RAI1: variants seen among roughly 807,000 people sequenced by gnomAD.
The protein encoded by RAI1 is retinoic acid induced 1, also known as retinoic acid-induced protein 1.
In RAI1, 9 loss-of-function variants were observed where a neutral mutation model predicts 123.8. The ratio of observed to expected loss-of-function variants is 0.07; its 90% CI spans 0.04 to 0.13. The LOEUF is 0.13. Among genes scored for constraint, RAI1 ranks in the 10% least tolerant of loss-of-function variants. The pLI is 1.00. For synonymous variants in RAI1, 1,231 were observed against 1,127.3 expected, an observed-to-expected ratio of 1.09 and a Z score of -1.84; for missense variants, 2,256 against 2,545.8, an observed-to-expected ratio of 0.89 and a Z score of 2.45.
chr17:17,732,369 C>A (rs913527149), intron 2 of RAI1, among the ~76,000 whole-genome samples: 28 of 152,186 alleles, frequency 1.8e-4, no homozygotes, highest in African/African-American at 6.0e-4. Flanking sequence ...GAAGACCCCT[C>A]AGGACATTCC....
At chr17:17,787,846 C>A (rs1281073778) in intron 2 of RAI1, among the ~76,000 whole-genome samples, 1 of 152,204 alleles carries the variant, frequency 6.6e-6, no homozygotes, top group Non-Finnish European at 1.5e-5. Flanking sequence ...TGCAGGGATC[C>A]CATTCAGCTG....
intron 2 of RAI1, among the ~76,000 whole-genome samples, chr17:17,741,008 A>G (rs929089793): frequency 6.6e-6 from 1 of 151,854 alleles, no homozygotes; most frequent in African/African-American, 2.4e-5. Flanking sequence ...GGGCACACAT[A>G]CCTGAGCCGA....
chr17:17,802,252 ATC>A (rs1042374493), intron 3 of RAI1: 2 of 453,444 alleles, frequency 4.4e-6, no homozygotes, highest in Admixed American at 4.8e-5. Flanking sequence ...GAAGTCAGCC[ATC>A]TCAAGGGATT....
chr17:17,743,346 C>A (rs953462377), intron 2 of RAI1, among the ~76,000 whole-genome samples: 4 of 152,162 alleles, frequency 2.6e-5, no homozygotes, highest in Non-Finnish European at 5.9e-5. Flanking sequence ...TAAATGGTAG[C>A]CTTTGTGATT....
At chr17:17,778,910 C>A (rs1034102940) in intron 2 of RAI1, 8 of 456,890 alleles carry the variant, frequency 1.8e-5, no homozygotes, top group Non-Finnish European at 3.5e-5. Flanking sequence ...GAGGTGAGGC[C>A]TGAGGGGGCT....
chr17:17,705,426 T>C (rs1915361399), intron 1 of RAI1, among the ~76,000 whole-genome samples: 1 of 151,972 alleles, frequency 6.6e-6, no homozygotes, highest in South Asian at 2.1e-4. Context: ...GGTCAGGAGT[T>C]TGAGACCAGC....
chr17:17,709,778 G>T (rs1915509361), intron 1 of RAI1, among the ~76,000 whole-genome samples: 1 of 152,210 alleles, frequency 6.6e-6, no homozygotes, highest in Non-Finnish European at 1.5e-5. Context: ...GGGGCCCCCA[G>T]ATCAGCTCCG....
chr17:17,794,874 G>A lies in RAI1; in HGVS notation c.1926G>A (p.Ser642=), dbSNP rs147762019. The change falls in exon 3 of 6, where the codon TCG becomes TCA. Residue 642 remains serine, a synonymous_variant. Coordinates refer to ENST00000353383, the MANE Select transcript of RAI1 (RefSeq NM_030665.4). ...AGGACAGCAGCAAGCCACCCTTCTC[G>A]CTGGAGAACCACAGCGCCTGCCTGG... ...LVKDSSKPPF[S]LENHSACLDS... 4.7e-5 allele frequency: 76 copies of A among 1,613,180 alleles called. No individual in the cohort carries two copies. Among genetic ancestry groups the A allele is most frequent in the Middle Eastern group, 1.6e-4 (1 of 6,084 alleles).
chr17:17,706,316 G>T (rs572053764), intron 1 of RAI1, among the ~76,000 whole-genome samples: 32 of 152,324 alleles, frequency 2.1e-4, no homozygotes, highest in African/African-American at 7.7e-4. Context: ...ATGGGACCGT[G>T]TAGTGGCCAA....
intron 1 of RAI1, among the ~76,000 whole-genome samples, chr17:17,713,644 AAAAT>A (rs140226037): frequency 0.2 from 31,087 of 152,016 alleles, 3,440 homozygotes; most frequent in East Asian, 0.34. Flanking sequence ...TCCATCTCAA[AAAAT>A]AAATAAATAA....
chr17:17,742,681 C>T (rs1200529074), intron 2 of RAI1, among the ~76,000 whole-genome samples: 1 of 152,214 alleles, frequency 6.6e-6, no homozygotes, highest in Non-Finnish European at 1.5e-5. Context: ...CTGTCCCACA[C>T]CTGAGTCCCC....
At chr17:17,749,941 C>G (rs2056705538) in intron 2 of RAI1, among the ~76,000 whole-genome samples, 1 of 152,254 alleles carries the variant, frequency 6.6e-6, no homozygotes, top group African/African-American at 2.4e-5. Context: ...TCAGCTGCAG[C>G]AACAAACCAA....
At chr17:17,721,328 C>G (rs1915873797) in intron 1 of RAI1, among the ~76,000 whole-genome samples, 1 of 152,176 alleles carries the variant, frequency 6.6e-6, no homozygotes, top group Non-Finnish European at 1.5e-5. Flanking sequence ...ATACCAGGAA[C>G]CATTCCAAAT....
intron 2 of RAI1, among the ~76,000 whole-genome samples, chr17:17,743,231 C>T (rs905651215): frequency 6.6e-6 from 1 of 152,202 alleles, no homozygotes; most frequent in Middle Eastern, 3.2e-3. Context: ...TTCATGTGAT[C>T]CTCTTGCCTT....
chr17:17,803,085 C>CAAAAA (rs1167089282), intron 3 of RAI1, among the ~76,000 whole-genome samples: 1 of 55,924 alleles, frequency 1.8e-5, no homozygotes, highest in Non-Finnish European at 3.9e-5. Flanking sequence ...AATTCTGTCT[C>CAAAAA]AAAAAAAAAA....
At chr17:17,723,228 C>T (rs761448516) in intron 1 of RAI1, among the ~76,000 whole-genome samples, 5 of 152,028 alleles carry the variant, frequency 3.3e-5, no homozygotes, top group Non-Finnish European at 7.4e-5. Flanking sequence ...CGCAGTACCT[C>T]ACGGAGTCAC....
intron 2 of RAI1, among the ~76,000 whole-genome samples, chr17:17,743,751 A>G (rs959629401): frequency 2.6e-5 from 4 of 152,144 alleles, no homozygotes; most frequent in African/African-American, 4.8e-5. Context: ...CTTAATCTCA[A>G]TCCTTAGAGG....
At position 17,799,268 on chromosome 17, in the gene RAI1, C is replaced by T. The variant is rs2032377615; in HGVS notation, c.5565+755C>T. ...ATGAGGGTGCCCATGGAGGAGGGGTCGGGAGGGTTAAAAGGTGGGCACCTC... is the reference window on the plus strand; with the variant it reads ...ATGAGGGTGCCCATGGAGGAGGGGTTGGGAGGGTTAAAAGGTGGGCACCTC... On this transcript the variant is annotated intron_variant, in intron 3 of 5. Coordinates refer to ENST00000353383, the MANE Select transcript of RAI1 (RefSeq NM_030665.4). The surrounding 1 kb of genome is among the most constrained non-coding windows in gnomAD (Gnocchi z 4.5). Among the ~76,000 whole-genome samples, 2 of 152,098 alleles carry T rather than the reference C, an allele frequency of 1.3e-5. No homozygotes were observed. Among genetic ancestry groups the T allele is most frequent in the African/African-American group, 2.4e-5 (1 of 41,402 alleles).
At chr17:17,728,283 G>A (rs1916158719) in intron 2 of RAI1, among the ~76,000 whole-genome samples, 1 of 152,108 alleles carries the variant, frequency 6.6e-6, no homozygotes, top group Admixed American at 6.5e-5. Context: ...GCGAAGAGAG[G>A]GAAGGCCTTC....
Sources: gnomAD v4.1 joint callset for allele counts (sites outside exome capture counted in the v4.1 genomes callset) on GRCh38, gnomAD v4.1.1 for gene constraint, Gnocchi (gnomAD v3.1) non-coding constraint, MANE v1.5 for transcripts, NCBI Gene and HGNC (gene_info 2026-07-23, HGNC 2026-07-21) for gene names.